Variants in MGAT4C observed in about 807,000 individuals in gnomAD.
The protein encoded by MGAT4C is MGAT4 family member C, also known as alpha-1,3-mannosyl-glycoprotein 4-beta-N-acetylglucosaminyltransferase C.
MGAT4C carries 19 observed loss-of-function variants against 40.1 expected under a neutral mutation model. The ratio of observed to expected loss-of-function variants is 0.47; its 90% CI spans 0.33 to 0.70. The LOEUF (loss-of-function observed/expected upper bound fraction) is 0.70, where lower values mean the gene tolerates loss of function less well. MGAT4C is among the 30% of genes least tolerant of loss of function. The probability of loss-of-function intolerance (pLI) is 0.02; values close to 1 mark genes in which losing one functional copy is unlikely to be tolerated. For synonymous variants in MGAT4C, 181 were observed against 187.1 expected (o/e 0.97, Z 0.27); for missense variants, 491 against 563.2 (o/e 0.87, Z 1.30).
chr12:86,737,581 TTA>T (rs954771254), intron 1 of MGAT4C, among the ~76,000 whole-genome samples: 17 of 151,372 alleles, frequency 1.1e-4, no homozygotes, highest in African/African-American at 2.9e-4. Flanking sequence ...CCTTTCAAAT[TTA>T]TGTCTCCAGC....
chr12:86,055,325 T>G (rs928243645), intron 1 of MGAT4C, among the ~76,000 whole-genome samples: 2 of 151,984 alleles, frequency 1.3e-5, no homozygotes, highest in African/African-American at 4.8e-5. Flanking sequence ...ACCGTCTAGT[T>G]GAGGGAATAA....
intron 2 of MGAT4C, among the ~76,000 whole-genome samples, chr12:86,515,103 T>C (rs901549053): frequency 1.3e-5 from 2 of 152,176 alleles, no homozygotes; most frequent in Non-Finnish European, 2.9e-5. Context: ...GATGTGGATA[T>C]TTGGGGACAA....
intron 2 of MGAT4C, among the ~76,000 whole-genome samples, chr12:86,688,157 C>CTTT (rs55637680): frequency 1.4e-3 from 90 of 65,212 alleles, no homozygotes; most frequent in Middle Eastern, 0.02. Context: ...GCAACCCCTG[C>CTTT]TTTTTTTTTT....
chr12:86,058,968 C>T (rs1207906733), intron 1 of MGAT4C, among the ~76,000 whole-genome samples: 1 of 152,080 alleles, frequency 6.6e-6, no homozygotes, highest in Admixed American at 6.6e-5. Context: ...TAATATTTTA[C>T]ACCAACATCT....
chr12:86,792,673 T>C (rs1012358066), intron 1 of MGAT4C, among the ~76,000 whole-genome samples: 2 of 152,206 alleles, frequency 1.3e-5, no homozygotes, highest in Admixed American at 6.5e-5. Flanking sequence ...GGCTCACACC[T>C]GTAATCCCAG....
intron 1 of MGAT4C, among the ~76,000 whole-genome samples, chr12:86,121,646 A>G (rs984538437): frequency 5.6e-4 from 85 of 152,290 alleles, no homozygotes; most frequent in African/African-American, 1.9e-3. Flanking sequence ...CAGCCAAACT[A>G]AGCTTCATAA....
At chr12:86,269,815 G>A (rs1005549324) in intron 4 of MGAT4C, among the ~76,000 whole-genome samples, 4 of 152,058 alleles carry the variant, frequency 2.6e-5, no homozygotes, top group Non-Finnish European at 5.9e-5. Context: ...TGATATTTTT[G>A]ATGGTACCCT....
intron 1 of MGAT4C, among the ~76,000 whole-genome samples, chr12:86,130,641 C>T (rs551320930): frequency 2.2e-4 from 34 of 151,626 alleles, no homozygotes; most frequent in Non-Finnish European, 4.0e-4. Context: ...ATTTAGACTC[C>T]AGTAGAAGTA....
intron 2 of MGAT4C, among the ~76,000 whole-genome samples, chr12:86,561,125 G>A (rs998267758): frequency 6.6e-6 from 1 of 152,072 alleles, no homozygotes; most frequent in Non-Finnish European, 1.5e-5. Context: ...TCATGAACTG[G>A]AAGAATATAT....
intron 2 of MGAT4C, among the ~76,000 whole-genome samples, chr12:86,545,095 T>C (rs922396327): frequency 1.3e-5 from 2 of 152,006 alleles, no homozygotes; most frequent in African/African-American, 4.8e-5. Flanking sequence ...AGGGATAAAT[T>C]AGGTGATGAT....
intron 2 of MGAT4C, among the ~76,000 whole-genome samples, chr12:86,633,848 T>C (rs555976868): frequency 6.6e-6 from 1 of 152,236 alleles, no homozygotes; most frequent in South Asian, 2.1e-4. Flanking sequence ...ATGAGATTCT[T>C]AGATCATTAA....
chr12:86,201,238 AT>A (rs1490013923), intron 1 of MGAT4C, among the ~76,000 whole-genome samples: 2 of 152,040 alleles, frequency 1.3e-5, no homozygotes, highest in Non-Finnish European at 2.9e-5. Flanking sequence ...ATGCGAAAAT[AT>A]TTTTTATATG....
At chr12:86,231,655 A>G (rs887824151) in intron 1 of MGAT4C, among the ~76,000 whole-genome samples, 1 of 152,298 alleles carries the variant, frequency 6.6e-6, no homozygotes, top group African/African-American at 2.4e-5. Flanking sequence ...TTCCTCTTTC[A>G]TTTAAAATTA....
intron 3 of MGAT4C, among the ~76,000 whole-genome samples, chr12:86,418,619 A>C (rs1472946145): frequency 4.6e-5 from 7 of 151,686 alleles, no homozygotes; most frequent in African/African-American, 1.7e-4. Flanking sequence ...TAAATAAATA[A>C]ATAAATAAAT....
intron 3 of MGAT4C, among the ~76,000 whole-genome samples, chr12:86,344,756 ATGTG>A (rs375136362): frequency 0.13 from 12,718 of 96,400 alleles, 748 homozygotes; most frequent in Middle Eastern, 0.3. Context: ...GTGTGTGTGT[ATGTG>A]TGTGTGTGTG....
At chr12:86,643,350 C>G (rs1963446797) in intron 2 of MGAT4C, among the ~76,000 whole-genome samples, 1 of 151,696 alleles carries the variant, frequency 6.6e-6, no homozygotes, top group African/African-American at 2.4e-5. Flanking sequence ...TAGCAATGCT[C>G]AAAATAATTG....
chr12:86,134,282 A>C (rs1881643021), intron 1 of MGAT4C, among the ~76,000 whole-genome samples: 1 of 152,104 alleles, frequency 6.6e-6, no homozygotes, highest in Non-Finnish European at 1.5e-5. Context: ...GCTTGGACAT[A>C]ACTTTGTCAA....
At chr12:86,519,668 T>C (rs1300497067) in intron 2 of MGAT4C, among the ~76,000 whole-genome samples, 3 of 152,204 alleles carry the variant, frequency 2.0e-5, no homozygotes, top group Non-Finnish European at 2.9e-5. Context: ...ATGTTGATTA[T>C]TTTTTAACTT....
chr12:86,414,151 TTTG>T (rs1956658916), intron 3 of MGAT4C, among the ~76,000 whole-genome samples: 1 of 152,058 alleles, frequency 6.6e-6, no homozygotes, highest in Non-Finnish European at 1.5e-5. Context: ...TTAAAATTCA[TTTG>T]ATAGTTTTTA....
Sources: allele counts gnomAD v4.1 joint callset (sites outside exome capture counted in the v4.1 genomes callset), GRCh38; gene constraint gnomAD v4.1.1; transcripts MANE v1.5; gene names NCBI Gene and HGNC (gene_info 2026-07-23, HGNC 2026-07-21).